KLHL29: variants seen among roughly 807,000 people sequenced by gnomAD.
KLHL29 encodes the protein kelch like family member 29.
In KLHL29, 21 loss-of-function variants were observed where a neutral mutation model predicts 80.4. The observed-to-expected ratio is 0.26, with a 90% CI of 0.19 to 0.38. The LOEUF (loss-of-function observed/expected upper bound fraction) is 0.38, where lower values mean the gene tolerates loss of function less well. Ranked by LOEUF, KLHL29 falls within the 10% of genes least tolerant of loss-of-function variation. The pLI, the probability that KLHL29 is intolerant of heterozygous loss-of-function variation, is 1.00. For missense variants in KLHL29, 867 were observed against 1,223.9 expected (o/e 0.71, Z 4.35); for synonymous variants, 511 against 526.8 (o/e 0.97, Z 0.41).
At chr2:23,520,949 T>C (rs895404309) in intron 2 of KLHL29, among the ~76,000 whole-genome samples, 3 of 149,924 alleles carry the variant, frequency 2.0e-5, no homozygotes, top group Admixed American at 1.3e-4. Context: ...TCTTCTTTCC[T>C]CCATATACAA....
At chr2:23,635,337 A>G (rs1382120689) in intron 3 of KLHL29, among the ~76,000 whole-genome samples, 2 of 152,022 alleles carry the variant, frequency 1.3e-5, no homozygotes, top group African/African-American at 4.8e-5. Flanking sequence ...GCGGCCCTAC[A>G]CACCTTTCCC....
At chr2:23,531,196 C>T (rs546649388) in intron 2 of KLHL29, among the ~76,000 whole-genome samples, 3 of 152,328 alleles carry the variant, frequency 2.0e-5, no homozygotes, top group East Asian at 3.9e-4. Flanking sequence ...AAATAGTGAG[C>T]GAAAGTCATT....
At chr2:23,428,745 CT>C (rs1663076452) in intron 1 of KLHL29, among the ~76,000 whole-genome samples, 1 of 152,210 alleles carries the variant, frequency 6.6e-6, no homozygotes, top group Non-Finnish European at 1.5e-5. Flanking sequence ...TGAATTGGAA[CT>C]TGGCATACCC....
intron 2 of KLHL29, among the ~76,000 whole-genome samples, chr2:23,491,482 TG>T (rs1438620085): frequency 6.6e-6 from 1 of 152,092 alleles, no homozygotes; most frequent in African/African-American, 2.4e-5. Context: ...TTCAGATGCC[TG>T]GGGGGCTGAG....
rs1002191122 is a variant in KLHL29, at chr2:23,562,571, G to A, written c.285+90G>A. The stretch of plus-strand genomic sequence containing the variant: ...GGCCAGCCCCACAGGCTCCTGTGGG[G>A]CAGCCTGTGCTCCACGCCCCGAGTC... On this transcript the variant is annotated intron_variant, in intron 3 of 13. Transcript: ENST00000486442. The surrounding 1 kb of genome is among the most constrained non-coding windows in gnomAD (Gnocchi z 4.5). The A allele has an allele frequency of 3.7e-6, 5 of 1,336,442 alleles. 1 individual carries two copies. The African/African-American group carries it at 7.4e-5, about 20-fold the overall frequency. 82.8% of individuals were successfully genotyped at this position (1,336,442 alleles called of 1,614,324 possible). A position where few individuals can be genotyped will look rare whatever the true frequency, so the allele number is the denominator to read the frequency against.
chr2:23,617,931 G>A (rs971394054), intron 3 of KLHL29: 4 of 152,322 alleles, frequency 2.6e-5, no homozygotes, highest in African/African-American at 9.6e-5. Context: ...CACCGAAGAC[G>A]GCGTCCGTTG....
rs1663270556 is a variant in KLHL29 at position 23,434,225 on chromosome 2, G to A, written c.-153-41335G>A. Among the ~76,000 whole-genome samples, 8 of 149,862 alleles carry A rather than the reference G, an allele frequency of 5.3e-5. No individual in the cohort carries two copies. In the South Asian group the frequency reaches 1.7e-3, roughly 32 times the overall value. On this transcript the variant is annotated intron_variant, in intron 1 of 13. Coordinates refer to ENST00000486442, the MANE Select transcript of KLHL29 (RefSeq NM_052920.2). ...AGTCCCAGCTACTTGGGAGGCTGAG[G>A]CAGGAGAATGGTGTGAACCCGGGAG...
At chr2:23,673,887 G>T (rs867433324) in intron 5 of KLHL29, among the ~76,000 whole-genome samples, 1 of 152,016 alleles carries the variant, frequency 6.6e-6, no homozygotes, top group Admixed American at 6.5e-5. Context: ...AAACACACAC[G>T]TAGATACACA....
At chr2:23,604,216 A>G (rs947412061) in intron 3 of KLHL29, among the ~76,000 whole-genome samples, 14 of 151,976 alleles carry the variant, frequency 9.2e-5, no homozygotes, top group Admixed American at 2.6e-4. Flanking sequence ...CAGTGGTACA[A>G]TCTGGGCCTC....
At position 23,693,575 on chromosome 2, in the gene KLHL29, C is replaced by G. The variant is rs771992650; in HGVS notation, c.1542+47C>G. The G allele has an allele frequency of 7.9e-6, 12 of 1,525,676 alleles. 1 individual carries two copies. The East Asian group carries it at 9.9e-5, about 13-fold the overall frequency. 94.5% of individuals were successfully genotyped at this position (1,525,676 alleles called of 1,614,324 possible). A position where few individuals can be genotyped will look rare whatever the true frequency, so the allele number is the denominator to read the frequency against. On this transcript the variant is annotated intron_variant, in intron 8 of 13. Transcript: ENST00000486442. ...GCCCCTTCTCTCTGGGTTTGGGGTC[C>G]CCCTGCGGCAATGGGGTCTGCAGCA...
chr2:23,552,106 A>C (rs947784069), intron 2 of KLHL29, among the ~76,000 whole-genome samples: 1 of 152,254 alleles, frequency 6.6e-6, no homozygotes, highest in Non-Finnish European at 1.5e-5. Context: ...AGCACACAGC[A>C]CAACCACAGT....
At chr2:23,704,343 C>T (rs1021574681) in intron 13 of KLHL29, among the ~76,000 whole-genome samples, 45 of 152,200 alleles carry the variant, frequency 3.0e-4, no homozygotes, top group African/African-American at 1.0e-3. Flanking sequence ...CAAACCCACC[C>T]CTGCAGGCAG....
chr2:23,519,341 C>T (rs1296380838), intron 2 of KLHL29, among the ~76,000 whole-genome samples: 1 of 146,178 alleles, frequency 6.8e-6, no homozygotes, highest in Non-Finnish European at 1.5e-5. Flanking sequence ...CCCCCCCAGG[C>T]TCCCTCCCAC....
chr2:23,541,499 A>G (rs766856883), intron 2 of KLHL29, among the ~76,000 whole-genome samples: 3 of 152,204 alleles, frequency 2.0e-5, no homozygotes, highest in Admixed American at 6.5e-5. Flanking sequence ...CATCTCTGCC[A>G]GCACTCACAG....
intron 1 of KLHL29, among the ~76,000 whole-genome samples, chr2:23,403,411 G>C (rs1319448098): frequency 2.0e-5 from 3 of 152,132 alleles, no homozygotes; most frequent in African/African-American, 7.2e-5. Context: ...ATGAATCTCA[G>C]ACTCACCTTA....
intron 1 of KLHL29, among the ~76,000 whole-genome samples, chr2:23,458,916 C>T (rs1328124954): frequency 2.0e-5 from 3 of 152,164 alleles, no homozygotes; most frequent in African/African-American, 7.2e-5. Flanking sequence ...AGAGGAGAAA[C>T]AGGATCGGAT....
chr2:23,629,307 T>TA (rs1669409764), intron 3 of KLHL29, among the ~76,000 whole-genome samples: 1 of 151,836 alleles, frequency 6.6e-6, no homozygotes, highest in Non-Finnish European at 1.5e-5. Context: ...GGGAAACTGA[T>TA]ATCAGAGGGG....
intron 3 of KLHL29, chr2:23,616,433 A>G (rs533154943): frequency 6.6e-6 from 1 of 152,204 alleles, no homozygotes; most frequent in African/African-American, 2.4e-5. Context: ...AAAAACATTT[A>G]CCAAGTCTCT....
chr2:23,541,187 G>C (rs1190235352), intron 2 of KLHL29, among the ~76,000 whole-genome samples: 3 of 152,240 alleles, frequency 2.0e-5, no homozygotes, highest in African/African-American at 7.2e-5. Context: ...GCCTGACAAA[G>C]TATCTGAACA....
Sources: gnomAD v4.1 joint callset for allele counts (sites outside exome capture counted in the v4.1 genomes callset) on GRCh38, gnomAD v4.1.1 for gene constraint, Gnocchi (gnomAD v3.1) non-coding constraint, MANE v1.5 for transcripts, NCBI Gene and HGNC (gene_info 2026-07-23, HGNC 2026-07-21) for gene names.